GSN: variants seen among roughly 807,000 people sequenced by gnomAD.
The protein encoded by GSN is gelsolin.
A neutral mutation model predicts 85.7 loss-of-function variants in GSN; 56 were observed. That is an observed-to-expected ratio of 0.65 (90% CI 0.53 to 0.82). The LOEUF (loss-of-function observed/expected upper bound fraction) is 0.82, where lower values mean the gene tolerates loss of function less well. Ranked by LOEUF, GSN falls within the 40% of genes least tolerant of loss-of-function variation. The probability of loss-of-function intolerance (pLI) is 0.00; values close to 1 mark genes in which losing one functional copy is unlikely to be tolerated. For synonymous variants in GSN, 373 were observed against 399.1 expected (o/e 0.93, Z 0.78); for missense variants, 857 against 979.8 (o/e 0.87, Z 1.67).
chr9:121,234,442 A>G lies in GSN; in HGVS notation c.-389+3139A>G, dbSNP rs543973792. ...AGCAAGCAGTTATCTCCCCATGGGC[A>G]CTGTGAGCCTCCACAAGGCCATTCT... On this transcript the variant is annotated intron_variant, in intron 5 of 24. Transcript: ENST00000373823. Among the ~76,000 whole-genome samples the G allele has an allele frequency of 6.6e-5, 10 of 152,350 alleles. 2 individuals are homozygous for G. The highest frequency in any genetic ancestry group is 2.4e-4 in the African/African-American group (10 of 41,598).
chr9:121,327,959 A>G (rs2063432997), intron 14 of GSN, among the ~76,000 whole-genome samples: 1 of 151,916 alleles, frequency 6.6e-6, no homozygotes, highest in African/African-American at 2.4e-5. Context: ...GGGCAACAGG[A>G]GTAAAACTCT....
At chr9:121,219,862 A>G (rs1588418108) in intron 4 of GSN, among the ~76,000 whole-genome samples, 2 of 149,318 alleles carry the variant, frequency 1.3e-5, no homozygotes, top group Non-Finnish European at 1.5e-5. Context: ...GTATACCTAC[A>G]CTCCCCTTTC....
At chr9:121,285,911 G>A (rs546975715) in intron 2 of GSN, among the ~76,000 whole-genome samples, 12 of 152,168 alleles carry the variant, frequency 7.9e-5, no homozygotes, top group Admixed American at 2.0e-4. Flanking sequence ...CAAAATTGAC[G>A]GCCTTGTGCT....
Position 121,268,178 on chromosome 9 carries a change from A to T in GSN, c.-144A>T, listed in dbSNP as rs1438435692. 6.6e-6 allele frequency: 1 copy of T among 151,572 alleles called. No homozygotes were observed. The highest frequency in any genetic ancestry group is 1.5e-5 in the Non-Finnish European group (1 of 67,866). 9.4% of individuals were successfully genotyped at this position (151,572 alleles called of 1,614,324 possible). On this transcript the variant is annotated 5_prime_UTR_variant, in exon 1 of 18. Transcript: ENST00000432226. Reference sequence around the variant, plus strand: ...CCGCCGCCCGGAACCAGCTGAGCGCAGCTGGACCCAGCAGCCGCTGTCTCC... The same window carrying T: ...CCGCCGCCCGGAACCAGCTGAGCGCTGCTGGACCCAGCAGCCGCTGTCTCC...
chr9:121,281,845 G>C, intron 2 of GSN: 1 of 471,250 alleles, frequency 2.1e-6, no homozygotes, highest in Non-Finnish European at 4.4e-6. Flanking sequence ...CTTGCTATGT[G>C]ACTTTAGGAG....
chr9:121,251,932 G>C (rs1438319347), intron 6 of GSN, among the ~76,000 whole-genome samples: 2 of 152,162 alleles, frequency 1.3e-5, no homozygotes, highest in Admixed American at 6.5e-5. Context: ...TTGCACTCCA[G>C]CCTGGGCGAC....
intron 4 of GSN, among the ~76,000 whole-genome samples, chr9:121,214,879 C>T (rs150374183): frequency 4.6e-5 from 7 of 152,240 alleles, no homozygotes; most frequent in Non-Finnish European, 5.9e-5. Flanking sequence ...CTGGTTAGGT[C>T]GGAATATAGG....
At chr9:121,323,298 G>A (rs2062720174) in intron 11 of GSN, among the ~76,000 whole-genome samples, 1 of 151,268 alleles carries the variant, frequency 6.6e-6, no homozygotes, top group South Asian at 2.1e-4. Context: ...ACAAAGCCAG[G>A]AAGTGAACAT....
rs1474703033 is a variant in GSN, at chr9:121,332,682, A to G, written c.*79A>G. On this transcript the variant is annotated 3_prime_UTR_variant, in exon 18 of 18. Transcript: ENST00000432226. The surrounding 1 kb of genome is among the most constrained non-coding windows in gnomAD (Gnocchi z 4.8). ...CCCTCAAAGAGGCCTTAGAGCGAGC[A>G]GAGCAGCTCTGCTATGAGTGTGTGT... The G allele has an allele frequency of 9.1e-7, 1 of 1,096,692 alleles. No homozygotes were observed. The highest frequency in any genetic ancestry group is 2.5e-5 in the East Asian group (1 of 39,802). 67.9% of individuals were successfully genotyped at this position (1,096,692 alleles called of 1,614,324 possible). A position where few individuals can be genotyped will look rare whatever the true frequency, so the allele number is the denominator to read the frequency against.
At chr9:121,325,514 C>A (rs541475112) in intron 12 of GSN, among the ~76,000 whole-genome samples, 44 of 152,314 alleles carry the variant, frequency 2.9e-4, no homozygotes, top group African/African-American at 1.0e-3. Flanking sequence ...ATGCTGAGAA[C>A]AACAGGAAGT....
chr9:121,228,329 A>C (rs1229500098), intron 4 of GSN, among the ~76,000 whole-genome samples: 1 of 147,792 alleles, frequency 6.8e-6, no homozygotes, highest in Non-Finnish European at 1.5e-5. Flanking sequence ...GTTACCCCCC[A>C]GTTCTATGTT....
chr9:121,307,274 G>A (rs2060517970), intron 4 of GSN, among the ~76,000 whole-genome samples: 1 of 152,154 alleles, frequency 6.6e-6, no homozygotes, highest in Non-Finnish European at 1.5e-5. Context: ...TTAAAAAATA[G>A]GGTAAAGATT....
At chr9:121,271,924 C>T (rs1166783996) in intron 1 of GSN, among the ~76,000 whole-genome samples, 1 of 152,226 alleles carries the variant, frequency 6.6e-6, no homozygotes, top group Non-Finnish European at 1.5e-5. Context: ...CTCTGGAAAT[C>T]TATCTGGCGA....
chr9:121,235,350 A>G (rs566390753), intron 5 of GSN, among the ~76,000 whole-genome samples: 1 of 152,300 alleles, frequency 6.6e-6, no homozygotes, highest in South Asian at 2.1e-4. Context: ...TCTCCCTTTT[A>G]GGTGGCTGAG....
chr9:121,202,131 G>A, the GSN span, among the ~76,000 whole-genome samples: 1 of 152,224 alleles, frequency 6.6e-6, no homozygotes, highest in African/African-American at 2.4e-5. Context: ...TCTTGGGGGA[G>A]CTACTGCGCA....
intron 6 of GSN, among the ~76,000 whole-genome samples, chr9:121,253,442 A>C (rs1588489733): frequency 1.3e-5 from 2 of 152,162 alleles, no homozygotes; most frequent in Non-Finnish European, 2.9e-5. Flanking sequence ...ACAGAGGCCC[A>C]GAGCTTTCTT....
At chr9:121,308,363 G>A (rs2060654884) in intron 4 of GSN, 1 of 152,370 alleles carries the variant, frequency 6.6e-6, no homozygotes, top group East Asian at 1.9e-4. Flanking sequence ...CATCCTGGAT[G>A]ACTGAGTGAT....
At position 121,216,718 on chromosome 9, in the gene GSN, C is replaced by T. The variant is rs2054071199; in HGVS notation, c.-528+5851C>T. Among the ~76,000 whole-genome samples the T allele has an allele frequency of 2.6e-5, 4 of 152,182 alleles. 1 individual carries two copies. In the South Asian group the frequency reaches 8.3e-4, roughly 32 times the overall value. Reference sequence around the variant, plus strand: ...GAGATTATTCTATTACCCACTTCTCCCACTAGGCTAGGAGTTCCTGGAAGA... The same window carrying T: ...GAGATTATTCTATTACCCACTTCTCTCACTAGGCTAGGAGTTCCTGGAAGA... On this transcript the variant is annotated intron_variant, in intron 4 of 24. Coordinates refer to the GSN transcript ENST00000373823.
chr9:121,217,286 A>G (rs2054081725), intron 4 of GSN, among the ~76,000 whole-genome samples: 1 of 152,014 alleles, frequency 6.6e-6, no homozygotes, highest in Non-Finnish European at 1.5e-5. Context: ...GAATCATTTG[A>G]ACCTGGGAGG....
Sources: allele counts gnomAD v4.1 joint callset (sites outside exome capture counted in the v4.1 genomes callset), GRCh38; gene constraint gnomAD v4.1.1; non-coding constraint Gnocchi (gnomAD v3.1); transcripts MANE v1.5; gene names NCBI Gene and HGNC (gene_info 2026-07-23, HGNC 2026-07-21).